ZNF730: variants seen among roughly 807,000 people sequenced by gnomAD.
ZNF730 encodes the protein zinc finger protein 730.
ZNF730 carries 12 observed loss-of-function variants against 12.6 expected under a neutral mutation model. The observed-to-expected ratio is 0.95, with a 90% CI of 0.61 to 1.54. ZNF730 has a LOEUF of 1.54. ZNF730 is among the 40% of genes most tolerant of loss of function. The pLI is 0.00. For missense variants in ZNF730, 643 were observed against 583.5 expected, an observed-to-expected ratio of 1.10 and a Z score of -1.05; for synonymous variants, 194 against 195.8, an observed-to-expected ratio of 0.99 and a Z score of 0.08.
intron 1 of ZNF730, among the ~76,000 whole-genome samples, chr19:23,079,660 G>A (rs1969931091): frequency 6.6e-6 from 1 of 152,148 alleles, no homozygotes; most frequent in African/African-American, 2.4e-5. Context: ...ATTATTAGGT[G>A]TACAGTTTAG....
intron 1 of ZNF730, among the ~76,000 whole-genome samples, chr19:23,118,856 C>A (rs571613333): frequency 6.6e-6 from 1 of 152,294 alleles, no homozygotes; most frequent in East Asian, 1.9e-4. Flanking sequence ...GGGTGAGTTA[C>A]AAGATTTATG....
intron 3 of ZNF730, 127 bp downstream of exon 3, chr19:23,136,170 A>G (rs769356428): frequency 5.9e-6 from 4 of 680,240 alleles, no homozygotes; most frequent in Non-Finnish European, 8.3e-6. Flanking sequence ...GTTTCTTTTT[A>G]TTTATTTTGC....
At chr19:23,118,665 A>C (rs888195863) in intron 1 of ZNF730, among the ~76,000 whole-genome samples, 1 of 152,156 alleles carries the variant, frequency 6.6e-6, no homozygotes, top group African/African-American at 2.4e-5. Flanking sequence ...CACCCAACCT[A>C]GCTTCCCTTT....
intron 1 of ZNF730, among the ~76,000 whole-genome samples, chr19:23,110,874 C>G (rs529210409): frequency 6.6e-6 from 1 of 152,250 alleles, no homozygotes; most frequent in East Asian, 1.9e-4. Context: ...GTTAAATCAG[C>G]CAGTACTGAA....
At chr19:23,127,429 G>T in intron 1 of ZNF730, 1 of 1,067,880 alleles carries the variant, frequency 9.4e-7, no homozygotes, top group Non-Finnish European at 1.4e-6. Flanking sequence ...TCATCTTTGT[G>T]AATTCTTCCT....
At chr19:23,107,324 G>A (rs1003691888) in intron 1 of ZNF730, among the ~76,000 whole-genome samples, 1 of 150,904 alleles carries the variant, frequency 6.6e-6, no homozygotes, top group Non-Finnish European at 1.5e-5. Flanking sequence ...CAAAGTGCTG[G>A]GATTACAGGT....
At chr19:23,103,819 G>GAGAT (rs1194635971) in intron 1 of ZNF730, among the ~76,000 whole-genome samples, 3 of 152,158 alleles carry the variant, frequency 2.0e-5, no homozygotes, top group Non-Finnish European at 4.4e-5. Context: ...GTAAACCACA[G>GAGAT]AGATAGCCAA....
intron 1 of ZNF730, among the ~76,000 whole-genome samples, chr19:23,083,774 T>G (rs1301431253): frequency 6.6e-6 from 1 of 152,170 alleles, no homozygotes; most frequent in Non-Finnish European, 1.5e-5. Flanking sequence ...AGATTGTGTT[T>G]TATTTTAGAA....
At chr19:23,138,929 A>C (rs1369139242) in intron 3 of ZNF730, among the ~76,000 whole-genome samples, 1 of 152,164 alleles carries the variant, frequency 6.6e-6, no homozygotes, top group Non-Finnish European at 1.5e-5. Flanking sequence ...GAAAATAAGC[A>C]AATAGGGCAC....
intron 1 of ZNF730, among the ~76,000 whole-genome samples, chr19:23,103,924 G>A (rs1225913580): frequency 6.6e-6 from 1 of 151,954 alleles, no homozygotes; most frequent in African/African-American, 2.4e-5. Context: ...TTTAAAAGAT[G>A]GTTTATATTA....
At chr19:23,132,686 T>G (rs938944561) in intron 1 of ZNF730, among the ~76,000 whole-genome samples, 1 of 152,188 alleles carries the variant, frequency 6.6e-6, no homozygotes, top group Non-Finnish European at 1.5e-5. Context: ...AAAGACCATG[T>G]AATGTTGAGG....
At chr19:23,107,365 A>G (rs959681749) in intron 1 of ZNF730, among the ~76,000 whole-genome samples, 4 of 146,572 alleles carry the variant, frequency 2.7e-5, no homozygotes, top group Non-Finnish European at 4.5e-5. Context: ...TGTTTTTTCA[A>G]TAAGACTTAT....
At chr19:23,108,981 T>C (rs1970428009) in intron 1 of ZNF730, among the ~76,000 whole-genome samples, 3 of 152,092 alleles carry the variant, frequency 2.0e-5, no homozygotes, top group Admixed American at 6.6e-5. Context: ...AACTCCTAAC[T>C]TCAGGTGATC....
intron 1 of ZNF730, among the ~76,000 whole-genome samples, chr19:23,126,147 A>T (rs1017434322): frequency 1.3e-5 from 2 of 152,214 alleles, no homozygotes; most frequent in Non-Finnish European, 2.9e-5. Context: ...ACAAAATTTT[A>T]AAAAATTCTG....
At chr19:23,081,094 C>T (rs1969958983) in intron 1 of ZNF730, among the ~76,000 whole-genome samples, 1 of 151,938 alleles carries the variant, frequency 6.6e-6, no homozygotes, top group Non-Finnish European at 1.5e-5. Context: ...GATCCAGCCG[C>T]CTCTGCCTCC....
At chr19:23,111,743 G>A (rs1356575479) in intron 1 of ZNF730, among the ~76,000 whole-genome samples, 4 of 149,662 alleles carry the variant, frequency 2.7e-5, no homozygotes, top group Non-Finnish European at 5.9e-5. Context: ...ACAAGACTCC[G>A]TCTCAAAAAA....
At chr19:23,122,186 G>T (rs779796866) in intron 1 of ZNF730, among the ~76,000 whole-genome samples, 1 of 139,628 alleles carries the variant, frequency 7.2e-6, no homozygotes, top group Non-Finnish European at 1.5e-5. Flanking sequence ...TTGTCGCCCA[G>T]GCTGGAATAC....
At chr19:23,092,866 C>G (rs1428453428) in intron 1 of ZNF730, among the ~76,000 whole-genome samples, 2 of 152,180 alleles carry the variant, frequency 1.3e-5, no homozygotes, top group Non-Finnish European at 2.9e-5. Context: ...CATCACTGTT[C>G]ATCAAAGATA....
Position 23,129,715 on chromosome 19 carries a change from C to T in ZNF730, c.4-4365C>T, listed in dbSNP as rs181476739. On this transcript the variant is annotated intron_variant, in intron 1 of 3. Coordinates refer to ENST00000597761, the MANE Select transcript of ZNF730 (RefSeq NM_001277403.2). ...GCTGAAATGAGTTAAGACTTTGGGC[C>T]GGGCGTGGTGGCTCATGCTAGTAAT... Among the ~76,000 whole-genome samples, 87 of 151,820 alleles carry T rather than the reference C, an allele frequency of 5.7e-4. 1 individual carries two copies. Among genetic ancestry groups the T allele is most frequent in the African/African-American group, 1.9e-3 (79 of 41,390 alleles).
Sources: allele counts gnomAD v4.1 joint callset (sites outside exome capture counted in the v4.1 genomes callset), GRCh38; gene constraint gnomAD v4.1.1; transcripts MANE v1.5; gene names NCBI Gene and HGNC (gene_info 2026-07-23, HGNC 2026-07-21).